The following SEPTIN14 variants were observed in gnomAD, a reference collection of about 807,000 sequenced individuals.
SEPTIN14 encodes the protein septin-14.
In SEPTIN14, 40 loss-of-function variants were observed where a neutral mutation model predicts 53.6. The ratio of observed to expected loss-of-function variants is 0.75; its 90% CI spans 0.58 to 0.97. SEPTIN14 has a LOEUF of 0.97. Among genes scored for constraint, SEPTIN14 ranks in the 50% least tolerant of loss-of-function variants. The pLI is 0.00. For synonymous variants in SEPTIN14, 138 were observed against 166.8 expected (o/e 0.83, Z 1.33); for missense variants, 471 against 508.2 (o/e 0.93, Z 0.70).
At chr7:55,861,832 A>G in intron 2 of SEPTIN14, 111 bp downstream of exon 2, 2 of 641,744 alleles carry the variant, frequency 3.1e-6, no homozygotes, top group Non-Finnish European at 5.1e-6. Context: ...AAACATAACA[A>G]ACAAGACTTT....
At chr7:55,807,288 C>T (rs748511076) in intron 7 of SEPTIN14, 30 bp from the exon 8 acceptor site, 2 of 1,411,670 alleles carry the variant, frequency 1.4e-6, no homozygotes, top group Non-Finnish European at 1.9e-6. Flanking sequence ...GAATCAACAA[C>T]ATTCAGTATC....
At chr7:55,802,360 G>T (rs1200792191) in intron 9 of SEPTIN14, among the ~76,000 whole-genome samples, 1 of 151,994 alleles carries the variant, frequency 6.6e-6, no homozygotes, top group Non-Finnish European at 1.5e-5. Context: ...TGATACTACA[G>T]CCAGAAGAGG....
chr7:55,854,048 G>A (rs1789564402), intron 2 of SEPTIN14, among the ~76,000 whole-genome samples: 1 of 152,054 alleles, frequency 6.6e-6, no homozygotes, highest in Non-Finnish European at 1.5e-5. Context: ...TTAAGCCCAG[G>A]AGTTAGAGTT....
At chr7:55,809,922 T>A (rs956267575) in intron 7 of SEPTIN14, among the ~76,000 whole-genome samples, 22 of 149,016 alleles carry the variant, frequency 1.5e-4, no homozygotes, top group Non-Finnish European at 2.8e-4. Context: ...AAGCTCTGCC[T>A]CCTGGGTTCA....
At chr7:55,807,291 T>G in intron 7 of SEPTIN14, 33 bp from the exon 8 acceptor site, 2 of 1,377,564 alleles carry the variant, frequency 1.5e-6, no homozygotes, top group Non-Finnish European at 2.0e-6. Context: ...TCAACAACAT[T>G]CAGTATCAAT....
intron 9 of SEPTIN14, among the ~76,000 whole-genome samples, chr7:55,800,891 C>T (rs1441260621): frequency 1.3e-5 from 2 of 152,208 alleles, no homozygotes; most frequent in South Asian, 2.1e-4. Flanking sequence ...TCCCATTTAA[C>T]TTGATGTGAT....
chr7:55,857,521 A>AGGGAG (rs1473475222), intron 2 of SEPTIN14, among the ~76,000 whole-genome samples: 1 of 103,204 alleles, frequency 9.7e-6, no homozygotes, highest in Non-Finnish European at 1.9e-5. Context: ...AGGGAAGGGA[A>AGGGAG]AGGAAAGGAA....
At chr7:55,829,156 A>G (rs553583783) in intron 6 of SEPTIN14, among the ~76,000 whole-genome samples, 19 of 152,026 alleles carry the variant, frequency 1.2e-4, no homozygotes, top group African/African-American at 4.6e-4. Context: ...AGACAGGTGG[A>G]TTGCCTGAGC....
chr7:55,862,012 C>T lies in SEPTIN14; in HGVS notation c.-15-1G>A. ...TTTCTGCCATGCTACACTAAAAGAGCTGGAAATTTAAAAAAATAAACATTT... is the reference window on the plus strand; with the variant it reads ...TTTCTGCCATGCTACACTAAAAGAGTTGGAAATTTAAAAAAATAAACATTT... On this transcript the variant is annotated splice_acceptor_variant, in intron 1 of 9. Coordinates refer to ENST00000388975, the MANE Select transcript of SEPTIN14 (RefSeq NM_207366.3). LOFTEE classifies it low-confidence loss of function (5UTR_SPLICE). 6.5e-7 allele frequency: 1 copy of T among 1,546,900 alleles called. No individual in the cohort carries two copies.
In SEPTIN14 at chr7:55,831,091, C is replaced by T. The variant is rs116410400; in HGVS notation, c.720+3334G>A. ...TAAATATCATATGGAACCAAAAAAGCATTCAAATAGCCAAAGTACTCCTAA... is the reference window on the plus strand; with the variant it reads ...TAAATATCATATGGAACCAAAAAAGTATTCAAATAGCCAAAGTACTCCTAA... On this transcript the variant is annotated intron_variant, in intron 6 of 9. Transcript: ENST00000388975. 2.6e-3 allele frequency among the ~76,000 whole-genome samples: 393 copies of T among 151,952 alleles called. 2 individuals are homozygous for T. Among genetic ancestry groups the T allele is most frequent in the African/African-American group, 9.0e-3 (375 of 41,444 alleles).
intron 1 of SEPTIN14, among the ~76,000 whole-genome samples, chr7:55,862,294 A>C (rs940765871): frequency 1.3e-5 from 2 of 152,208 alleles, no homozygotes; most frequent in Non-Finnish European, 2.9e-5. Context: ...AGAGGATAAG[A>C]GCATTCTTCT....
At chr7:55,839,654 G>A (rs994497356) in intron 5 of SEPTIN14, among the ~76,000 whole-genome samples, 4 of 152,116 alleles carry the variant, frequency 2.6e-5, no homozygotes, top group African/African-American at 9.7e-5. Context: ...GGCGTCCACT[G>A]GGGATCTTGT....
intron 6 of SEPTIN14, among the ~76,000 whole-genome samples, chr7:55,824,494 T>G (rs1265541632): frequency 1.3e-5 from 2 of 152,140 alleles, no homozygotes; most frequent in Non-Finnish European, 2.9e-5. Flanking sequence ...CTCAGTAATT[T>G]TTTTTAGGCC....
intron 6 of SEPTIN14, among the ~76,000 whole-genome samples, chr7:55,830,517 G>A (rs993850172): frequency 6.7e-6 from 1 of 150,304 alleles, no homozygotes; most frequent in African/African-American, 2.4e-5. Context: ...CTAATTTTTT[G>A]TATTTTTAGT....
chr7:55,812,799 C>G (rs192750650), intron 7 of SEPTIN14, among the ~76,000 whole-genome samples: 1 of 152,048 alleles, frequency 6.6e-6, no homozygotes, highest in African/African-American at 2.4e-5. Context: ...TGACATTCAT[C>G]CCCCAGCAGC....
chr7:55,819,163 C>A lies in SEPTIN14; in HGVS notation c.781G>T (p.Val261Phe), dbSNP rs758070422. 3 of 1,587,132 alleles carry A rather than the reference C, an allele frequency of 1.9e-6. No individual in the cohort carries two copies. The South Asian group carries it at 3.5e-5, about 18-fold the overall frequency. The change falls in exon 7 of 10, where the codon GTC becomes TTC. Residue 261 changes from valine to phenylalanine, a missense_variant. Physicochemically the swap from Val to Phe is conservative, Grantham distance 50. Transcript: ENST00000388975. ...TDEVKVGKRM[V>F]RGRHYPWGVL... ...CCCCAAGGGTAGTGACGGCCTCTGA[C>A]CATCCTTTTTCCAACTTTCACTTCA...
Position 55,805,340 on chromosome 7 carries a change from T to C in SEPTIN14, c.1037A>G (p.Gln346Arg), listed in dbSNP as rs1788594313. The C allele has an allele frequency of 6.2e-7, 1 of 1,604,126 alleles. No individual in the cohort carries two copies. The highest frequency in any genetic ancestry group is 1.3e-5 in the African/African-American group (1 of 74,586). Residue 346 changes from glutamine (Q) to arginine (R), a missense_variant, in exon 9 of 10, where the codon CAG (glutamine) becomes CGG (arginine). Physicochemically the swap from Gln to Arg is conservative, Grantham distance 43. Coordinates refer to ENST00000388975, the MANE Select transcript of SEPTIN14 (RefSeq NM_207366.3). ...AKRQEFYDQC[Q>R]REEEELKQRF... ...CTGTTTCAACTCTTCTTCTTCCCTC[T>C]GACATTGATCATAGAACTCTTGTCT...
At chr7:55,855,296 C>T (rs941823556) in intron 2 of SEPTIN14, among the ~76,000 whole-genome samples, 3 of 151,950 alleles carry the variant, frequency 2.0e-5, no homozygotes, top group Non-Finnish European at 4.4e-5. Flanking sequence ...GCGTGAGCCA[C>T]GGCGCCCGGT....
At chr7:55,803,920 C>G (rs1427772329) in intron 9 of SEPTIN14, among the ~76,000 whole-genome samples, 3 of 148,592 alleles carry the variant, frequency 2.0e-5, no homozygotes, top group Non-Finnish European at 3.0e-5. Flanking sequence ...GTCAGGAGAT[C>G]GAGATCATCC....
Sources: allele counts gnomAD v4.1 joint callset (sites outside exome capture counted in the v4.1 genomes callset), GRCh38; gene constraint gnomAD v4.1.1; transcripts MANE v1.5; gene names NCBI Gene and HGNC (gene_info 2026-07-23, HGNC 2026-07-21).